The following RBM6 variants were observed in gnomAD, a reference collection of about 807,000 sequenced individuals.
RBM6 encodes the protein RNA-binding protein 6.
Under a neutral mutation model 140.4 loss-of-function variants are expected in RBM6, and 23 were observed. That is an observed-to-expected ratio of 0.16 (90% CI 0.12 to 0.23). RBM6 has a LOEUF of 0.23. Among genes scored for constraint, RBM6 ranks in the 10% least tolerant of loss-of-function variants. RBM6 has a pLI of 1.00. For synonymous variants in RBM6, 439 were observed against 475.6 expected (o/e 0.92, Z 1.00); for missense variants, 1,139 against 1,386.7 (o/e 0.82, Z 2.84).
intron 4 of RBM6, among the ~76,000 whole-genome samples, chr3:49,974,451 A>G (rs1375293721): frequency 6.7e-6 from 1 of 148,856 alleles, no homozygotes; most frequent in Non-Finnish European, 1.5e-5. Context: ...GGCTCACTGC[A>G]AGCTCCTTCT....
intron 6 of RBM6, among the ~76,000 whole-genome samples, chr3:50,015,761 G>T (rs559060210): frequency 3.2e-4 from 49 of 152,202 alleles, no homozygotes; most frequent in Non-Finnish European, 5.3e-4. Context: ...ATTGATAATT[G>T]TACATGTTTA....
At chr3:50,032,248 C>T (rs1463507630) in intron 6 of RBM6, among the ~76,000 whole-genome samples, 2 of 151,590 alleles carry the variant, frequency 1.3e-5, no homozygotes, top group East Asian at 1.9e-4. Context: ...TTTGGGAGGT[C>T]GAGGCAGGCG....
chr3:50,042,665 G>C (rs2088992359), intron 6 of RBM6, among the ~76,000 whole-genome samples: 1 of 152,080 alleles, frequency 6.6e-6, no homozygotes, highest in South Asian at 2.1e-4. Flanking sequence ...GAGCCTGGGA[G>C]GTCAAGGCTG....
At chr3:49,965,698 C>G (rs1275198560) in intron 2 of RBM6, among the ~76,000 whole-genome samples, 2 of 150,834 alleles carry the variant, frequency 1.3e-5, no homozygotes, top group Non-Finnish European at 3.0e-5. Flanking sequence ...AACATCTAAA[C>G]TTGCTCCTCT....
rs117965516 is a variant in RBM6 at position 50,076,954 on chromosome 3, G to A, written c.3247-54G>A. ...GAAATGCCTGTGGTCAAAGACCAGCGCTGAGGCTAATTAATCTATAGGGCC... is the reference window on the plus strand; with the variant it reads ...GAAATGCCTGTGGTCAAAGACCAGCACTGAGGCTAATTAATCTATAGGGCC... On this transcript the variant is annotated intron_variant, in intron 20 of 20. Coordinates refer to ENST00000266022, the MANE Select transcript of RBM6 (RefSeq NM_005777.3). 2.4e-3 allele frequency: 3,734 copies of A among 1,552,558 alleles called. 33 individuals are homozygous for A. Among genetic ancestry groups the A allele is most frequent in the East Asian group, 0.02 (837 of 42,386 alleles).
intron 19 of RBM6, among the ~76,000 whole-genome samples, chr3:50,071,911 C>T (rs762093191): frequency 6.7e-6 from 1 of 149,976 alleles, no homozygotes; most frequent in Non-Finnish European, 1.5e-5. Flanking sequence ...TGGTGAAACC[C>T]CTTCTCTACT....
intron 4 of RBM6, among the ~76,000 whole-genome samples, chr3:49,973,374 T>G (rs548045864): frequency 4.6e-5 from 7 of 152,210 alleles, no homozygotes; most frequent in African/African-American, 1.7e-4. Flanking sequence ...GAGAACAGTT[T>G]ATATGAATAT....
intron 15 of RBM6, among the ~76,000 whole-genome samples, chr3:50,063,026 G>A (rs576963250): frequency 2.0e-5 from 3 of 151,350 alleles, no homozygotes; most frequent in South Asian, 2.1e-4. Context: ...CCCAAGTAGC[G>A]GGGACTACAG....
chr3:50,075,097 AG>A, intron 19 of RBM6, 103 bp from the exon 20 acceptor site: 1 of 1,339,264 alleles, frequency 7.5e-7, no homozygotes, highest in South Asian at 1.5e-5. Flanking sequence ...CAGAGGTTGC[AG>A]TAAGCTGAGT....
At chr3:49,975,194 T>C in intron 4 of RBM6, 129 bp from the exon 5 acceptor site, 1 of 770,368 alleles carries the variant, frequency 1.3e-6, no homozygotes, top group Non-Finnish European at 2.2e-6. Context: ...TGAGTGTTCA[T>C]AGTTTAACTT....
At chr3:50,025,183 G>A (rs973673342) in intron 6 of RBM6, among the ~76,000 whole-genome samples, 8 of 151,690 alleles carry the variant, frequency 5.3e-5, no homozygotes, top group Non-Finnish European at 1.0e-4. Context: ...CCAGTACTTT[G>A]GGAGACTGAG....
chr3:49,967,911 T>C lies in RBM6; in HGVS notation c.486T>C (p.Ala162=), dbSNP rs749865284. The change falls in exon 3 of 21, where the codon GCT becomes GCC. Residue 162 remains alanine (A), a synonymous_variant. Coordinates refer to ENST00000266022, the MANE Select transcript of RBM6 (RefSeq NM_005777.3). This position sits in a 1 kb window ranked among gnomAD's most constrained non-coding sequence, Gnocchi z 4.0. ...ACTACAGAGACAGGGATGCTCACGCTGTTGACTTCAGAGGTAGGGATGCTC... is the reference window on the plus strand; with the variant it reads ...ACTACAGAGACAGGGATGCTCACGCCGTTGACTTCAGAGGTAGGGATGCTC... ...HMNYRDRDAH[A]VDFRGRDAPP... 7.1e-5 allele frequency: 114 copies of C among 1,613,786 alleles called. 1 individual carries two copies. The highest frequency in any genetic ancestry group is 3.3e-5 in the South Asian group (3 of 91,074).
chr3:50,053,077 A>G (rs1462368636), intron 7 of RBM6, among the ~76,000 whole-genome samples: 1 of 149,702 alleles, frequency 6.7e-6, no homozygotes, highest in Non-Finnish European at 1.5e-5. Context: ...GAAATAACTG[A>G]CTGTAGTGAT....
In RBM6 at chr3:49,967,861, A is replaced by G; in HGVS notation, c.436A>G (p.Arg146Gly). Residue 146 changes from arginine to glycine, a missense_variant, in exon 3 of 21, where the codon AGA becomes GGA. Coordinates refer to ENST00000266022, the MANE Select transcript of RBM6 (RefSeq NM_005777.3). The surrounding 1 kb of genome is among the most constrained non-coding windows in gnomAD (Gnocchi z 4.0). Reference protein sequence around the residue: ...RGGDGTSMDYRGREAPHMNYR... With the variant: ...RGGDGTSMDYGGREAPHMNYR... Reference sequence around the variant, plus strand: ...TGGAGATGGTACTTCTATGGATTATAGAGGTAGGGAGGCACCTCATATGAA... The same window carrying G: ...TGGAGATGGTACTTCTATGGATTATGGAGGTAGGGAGGCACCTCATATGAA... 1 of 1,614,152 alleles carries G rather than the reference A, an allele frequency of 6.2e-7. No individual in the cohort carries two copies. Among genetic ancestry groups the G allele is most frequent in the South Asian group, 1.1e-5 (1 of 91,082 alleles).
chr3:49,949,973 T>A (rs1482041109), intron 1 of RBM6, among the ~76,000 whole-genome samples: 1 of 152,116 alleles, frequency 6.6e-6, no homozygotes, highest in East Asian at 1.9e-4. Flanking sequence ...TCTGCCTGCC[T>A]CCGCCTCCTA....
chr3:50,020,085 G>A (rs1359516114), intron 6 of RBM6, among the ~76,000 whole-genome samples: 2 of 151,946 alleles, frequency 1.3e-5, no homozygotes, highest in East Asian at 3.9e-4. Context: ...TACCCATCTA[G>A]TTTTTTAAAA....
At chr3:50,033,521 A>G (rs539189095) in intron 6 of RBM6, among the ~76,000 whole-genome samples, 1 of 152,232 alleles carries the variant, frequency 6.6e-6, no homozygotes, top group Admixed American at 6.5e-5. Flanking sequence ...ACTAAAGCAT[A>G]TGCTGTGGAA....
At chr3:49,965,442 G>A (rs983626335) in intron 2 of RBM6, among the ~76,000 whole-genome samples, 6 of 152,142 alleles carry the variant, frequency 3.9e-5, no homozygotes, top group African/African-American at 1.4e-4. Context: ...GGCCGAGGCG[G>A]GTGGATCACG....
chr3:49,981,035 T>G (rs2085284927), intron 5 of RBM6, among the ~76,000 whole-genome samples: 1 of 151,818 alleles, frequency 6.6e-6, no homozygotes, highest in Admixed American at 6.6e-5. Flanking sequence ...TCGGAGTAGC[T>G]GGGATTATAG....
Sources: gnomAD v4.1 joint callset for allele counts (sites outside exome capture counted in the v4.1 genomes callset) on GRCh38, gnomAD v4.1.1 for gene constraint, Gnocchi (gnomAD v3.1) non-coding constraint, MANE v1.5 for transcripts, NCBI Gene and HGNC (gene_info 2026-07-23, HGNC 2026-07-21) for gene names.